GABBR1: variants seen among roughly 807,000 people sequenced by gnomAD.
GABBR1 encodes the protein gamma-aminobutyric acid type B receptor subunit 1.
Under a neutral mutation model 117.7 loss-of-function variants are expected in GABBR1, and 35 were observed. That is an observed-to-expected ratio of 0.30 (90% CI 0.23 to 0.39). The LOEUF (loss-of-function observed/expected upper bound fraction) is 0.39, where lower values mean the gene tolerates loss of function less well. Ranked by LOEUF, GABBR1 falls within the 10% of genes least tolerant of loss-of-function variation. GABBR1 has a pLI of 1.00. For synonymous variants in GABBR1, 442 were observed against 486.6 expected (o/e 0.91, Z 1.21); for missense variants, 709 against 1,241.8 (o/e 0.57, Z 6.45).
rs1420451024 is a variant in GABBR1, at chr6:29,632,489, G to A, written c.1-104C>T. 4 of 1,071,274 alleles carry A rather than the reference G, an allele frequency of 3.7e-6. No homozygotes were observed. Among genetic ancestry groups the A allele is most frequent in the Non-Finnish European group, 3.8e-6 (3 of 797,090 alleles). 66.4% of individuals were successfully genotyped at this position (1,071,274 alleles called of 1,614,324 possible). A position where few individuals can be genotyped will look rare whatever the true frequency, so the allele number is the denominator to read the frequency against. ...CGGTTGCCTCGCAGGCTCCGACCGG[G>A]CTCAGCCTGGGGACCAAGAGAGCGC... On this transcript the variant is annotated intron_variant, in intron 1 of 22. Transcript: ENST00000377034. The surrounding 1 kb of genome is among the most constrained non-coding windows in gnomAD (Gnocchi z 5.8).
At position 29,605,302 on chromosome 6, in the gene GABBR1, A is replaced by T; in HGVS notation, c.2439+267T>A. ...GAGTCCAGCCCATTAACCACAGACA[A>T]GCAATTTAACGTCTCTGTGTTTCTG... On this transcript the variant is annotated intron_variant, in intron 20 of 22. Transcript: ENST00000377034. The surrounding 1 kb of genome is among the most constrained non-coding windows in gnomAD (Gnocchi z 4.2). 2 of 565,372 alleles carry T rather than the reference A, an allele frequency of 3.5e-6. No individual in the cohort carries two copies. The highest frequency in any genetic ancestry group is 6.2e-6 in the Non-Finnish European group (2 of 323,932). The allele number at this position is 565,372 out of a possible 1,614,324, so 35.0% of individuals were successfully genotyped here.
rs1327074091 is a variant in GABBR1, at chr6:29,607,701, G to A, written c.1993-483C>T. On this transcript the variant is annotated intron_variant, in intron 16 of 22. Coordinates refer to ENST00000377034, the MANE Select transcript of GABBR1 (RefSeq NM_001470.4). The surrounding 1 kb of genome is among the most constrained non-coding windows in gnomAD (Gnocchi z 5.0). ...ACACGATGCTCCCTATGCCCCTGAA[G>A]TAGCCTTCCTCTATTTCTCTAGCTG... Among the ~76,000 whole-genome samples, 1 of 152,156 alleles carries A rather than the reference G, an allele frequency of 6.6e-6. No individual in the cohort carries two copies. The highest frequency in any genetic ancestry group is 2.4e-5 in the African/African-American group (1 of 41,428).
intron 11 of GABBR1, among the ~76,000 whole-genome samples, chr6:29,615,992 C>T (rs1034274296): frequency 6.6e-6 from 1 of 151,184 alleles, no homozygotes; most frequent in Non-Finnish European, 1.5e-5. Flanking sequence ...ACCTGAGGTC[C>T]GGAGTTCGAG....
In GABBR1 at chr6:29,632,657, C is replaced by T. The variant is rs1583030853; in HGVS notation, c.-1+193G>A. The T allele has an allele frequency of 6.9e-7, 1 of 1,455,526 alleles. No homozygotes were observed. The allele number at this position is 1,455,526 out of a possible 1,614,324, so 90.2% of individuals were successfully genotyped here. ...TCACCACCTCCTCTCCCCCGGCCCC[C>T]GCGGCTCGCAGAAGCCTGGCTTACC... On this transcript the variant is annotated intron_variant, in intron 1 of 22. Transcript: ENST00000377034. The surrounding 1 kb of genome is among the most constrained non-coding windows in gnomAD (Gnocchi z 5.8).
intron 6 of GABBR1, among the ~76,000 whole-genome samples, chr6:29,625,574 T>C (rs998331648): frequency 1.3e-5 from 2 of 152,160 alleles, no homozygotes; most frequent in African/African-American, 4.8e-5. Context: ...CTCTTTGCTC[T>C]TGCAAGGATC....
rs1761881800 is a variant in GABBR1 at position 29,605,758 on chromosome 6, C to T, written c.2312-62G>A. Reference sequence around the variant, plus strand: ...ACCACAATGCTCCTCACTCAATCCCCATCCCCTCTCTGCCCTTCACCTACT... The same window carrying T: ...ACCACAATGCTCCTCACTCAATCCCTATCCCCTCTCTGCCCTTCACCTACT... On this transcript the variant is annotated intron_variant, in intron 19 of 22. Transcript: ENST00000377034. The surrounding 1 kb of genome is among the most constrained non-coding windows in gnomAD (Gnocchi z 4.2). 3 of 1,582,320 alleles carry T rather than the reference C, an allele frequency of 1.9e-6. No homozygotes were observed. In the South Asian group the frequency reaches 3.4e-5, roughly 18 times the overall value.
chr6:29,605,414 TA>T lies in GABBR1; in HGVS notation c.2439+154del. On this transcript the variant is annotated intron_variant, in intron 20 of 22. Transcript: ENST00000377034. The surrounding 1 kb of genome is among the most constrained non-coding windows in gnomAD (Gnocchi z 4.2). ...GATACAATGTCTGTAGTGAGCTTTGTAAACTGTAAAGTGCTTTATAGACCTG... is the reference window on the plus strand; with the variant it reads ...GATACAATGTCTGTAGTGAGCTTTGTAACTGTAAAGTGCTTTATAGACCTG... The T allele has an allele frequency of 1.2e-6, 1 of 851,246 alleles. No individual in the cohort carries two copies. Among genetic ancestry groups the T allele is most frequent in the Non-Finnish European group, 1.8e-6 (1 of 543,322 alleles). The allele number at this position is 851,246 out of a possible 1,614,324, so 52.7% of individuals were successfully genotyped here. A position where few individuals can be genotyped will look rare whatever the true frequency, so the allele number is the denominator to read the frequency against.
Position 29,613,334 on chromosome 6 carries a change from C to T in GABBR1, c.1475G>A (p.Gly492Asp). ...NKTSGGGGRS[G>D]VRLEDFNYNN... The stretch of plus-strand genomic sequence containing the variant: ...GTAGTTGAAGTCCTCCAGGCGCACA[C>T]CAGAACGGCCGCCTCCTCCAGATGT... The change falls in exon 12 of 23, where the codon GGT becomes GAT. Residue 492 changes from glycine to aspartate, a missense_variant. Around this residue, in one of 9 missense-constraint regions of GABBR1, gnomAD observed 38 missense variants for 47.7 expected, o/e 0.80. Coordinates refer to ENST00000377034, the MANE Select transcript of GABBR1 (RefSeq NM_001470.4). The surrounding 1 kb of genome is among the most constrained non-coding windows in gnomAD (Gnocchi z 4.1). The T allele has an allele frequency of 6.2e-7, 1 of 1,613,082 alleles. No individual in the cohort carries two copies. Among genetic ancestry groups the T allele is most frequent in the Non-Finnish European group, 8.5e-7 (1 of 1,180,014 alleles).
rs1195342162 is a variant in GABBR1 at position 29,604,347 on chromosome 6, A to G, written c.2712+147T>C. 4.3e-6 allele frequency: 4 copies of G among 940,394 alleles called. No individual in the cohort carries two copies. Among genetic ancestry groups the G allele is most frequent in the Non-Finnish European group, 6.8e-6 (4 of 591,492 alleles). The allele number at this position is 940,394 out of a possible 1,614,324, so 58.3% of individuals were successfully genotyped here. A position where few individuals can be genotyped will look rare whatever the true frequency, so the allele number is the denominator to read the frequency against. On this transcript the variant is annotated intron_variant, in intron 22 of 22. Transcript: ENST00000377034. The surrounding 1 kb of genome is among the most constrained non-coding windows in gnomAD (Gnocchi z 5.3). The stretch of plus-strand genomic sequence containing the variant: ...TCCCCTCCCCTATGCTGCTCCATTC[A>G]CTCCTTACAGGTTGTCTCCTAGGAC...
rs139085697 is a variant in GABBR1, at chr6:29,624,647, G to T, written c.658-623C>A. Among the ~76,000 whole-genome samples the T allele has an allele frequency of 6.0e-3, 915 of 152,216 alleles. 13 individuals carry two copies. Among genetic ancestry groups the T allele is most frequent in the African/African-American group, 0.019 (794 of 41,514 alleles). Reference sequence around the variant, plus strand: ...CCATTAGAAAAAAAGACACTGGGGGGTGGAAGTAGGGAAGAATGTAGGATG... The same window carrying T: ...CCATTAGAAAAAAAGACACTGGGGGTTGGAAGTAGGGAAGAATGTAGGATG... On this transcript the variant is annotated intron_variant, in intron 6 of 22. Transcript: ENST00000377034.
At chr6:29,617,371 G>A (rs962408226) in intron 11 of GABBR1, among the ~76,000 whole-genome samples, 5 of 133,166 alleles carry the variant, frequency 3.8e-5, no homozygotes, top group African/African-American at 1.4e-4. Context: ...GTGCGATCTT[G>A]GCTCACTGCA....
rs1453495115 is a variant in GABBR1, at chr6:29,607,224, AAGG to A, written c.1993-9_1993-7del. 1.9e-6 allele frequency: 3 copies of A among 1,612,008 alleles called. No homozygotes were observed. In the South Asian group the frequency reaches 3.3e-5, roughly 18 times the overall value. ...CCCAGGAGCCAGAGGCGGGCCTAGA[AAGG>A]AAGAGAGGGCACAGGCAGAACAGGG... is the stretch of plus-strand genomic sequence containing the variant. On this transcript the variant is annotated splice_polypyrimidine_tract_variant and splice_region_variant and intron_variant, in intron 16 of 22. Transcript: ENST00000377034. The surrounding 1 kb of genome is among the most constrained non-coding windows in gnomAD (Gnocchi z 5.0).
chr6:29,607,263 G>A lies in GABBR1; in HGVS notation c.1993-45C>T, dbSNP rs1027310272. On this transcript the variant is annotated intron_variant, in intron 16 of 22. Coordinates refer to ENST00000377034, the MANE Select transcript of GABBR1 (RefSeq NM_001470.4). The surrounding 1 kb of genome is among the most constrained non-coding windows in gnomAD (Gnocchi z 5.0). Reference sequence around the variant, plus strand: ...ACAGGCAGAACAGGGTAGAGTAGTAGCCGGGACTGCAGTAAGGATGGGCAG... The same window carrying A: ...ACAGGCAGAACAGGGTAGAGTAGTAACCGGGACTGCAGTAAGGATGGGCAG... 6.1e-6 allele frequency: 9 copies of A among 1,478,414 alleles called. No individual in the cohort carries two copies. The African/African-American group carries it at 1.1e-4, about 18-fold the overall frequency. The allele number at this position is 1,478,414 out of a possible 1,614,324, so 91.6% of individuals were successfully genotyped here.
At position 29,631,686 on chromosome 6, in the gene GABBR1, G is replaced by A; in HGVS notation, c.86-87C>T. The A allele has an allele frequency of 2.5e-6, 3 of 1,217,502 alleles. No homozygotes were observed. The highest frequency in any genetic ancestry group is 3.6e-6 in the Non-Finnish European group (3 of 830,966). 75.4% of individuals were successfully genotyped at this position (1,217,502 alleles called of 1,614,324 possible). A position where few individuals can be genotyped will look rare whatever the true frequency, so the allele number is the denominator to read the frequency against. On this transcript the variant is annotated intron_variant, in intron 2 of 22. Transcript: ENST00000377034. This position sits in a 1 kb window ranked among gnomAD's most constrained non-coding sequence, Gnocchi z 5.9. The stretch of plus-strand genomic sequence containing the variant: ...CCCCAGTGGGAGGAAGGGGAGAGTA[G>A]GGCGTGGTCTGTGGGCAGGCTGGGG...
chr6:29,603,699 A>G lies in GABBR1; in HGVS notation c.2730T>C (p.Ser910=). The part of the protein sequence containing the change: ...KIIAEKEERV[S]ELRHQLQSRQ... ...GAGACTGGAGTTGATGGCGCAGTTC[A>G]GAGACACGCTCCTCTTTCTGGAGGA... is the stretch of plus-strand genomic sequence containing the variant. The change falls in exon 23 of 23, where the codon TCT becomes TCC. Residue 910 remains serine (S), a synonymous_variant. Coordinates refer to ENST00000377034, the MANE Select transcript of GABBR1 (RefSeq NM_001470.4). 1.3e-6 allele frequency: 2 copies of G among 1,497,066 alleles called. No individual in the cohort carries two copies. Among genetic ancestry groups the G allele is most frequent in the South Asian group, 1.4e-5 (1 of 70,816 alleles). The allele number at this position is 1,497,066 out of a possible 1,614,324, so 92.7% of individuals were successfully genotyped here.
chr6:29,625,703 G>A (rs1031620573), intron 6 of GABBR1, among the ~76,000 whole-genome samples: 21 of 152,148 alleles, frequency 1.4e-4, no homozygotes, highest in Admixed American at 8.5e-4. Flanking sequence ...CAGGTCCCAC[G>A]TCTGCTCCCC....
At position 29,616,133 on chromosome 6, in the gene GABBR1, G is replaced by A. The variant is rs543386648; in HGVS notation, c.1324-2648C>T. On this transcript the variant is annotated intron_variant, in intron 11 of 22. Coordinates refer to ENST00000377034, the MANE Select transcript of GABBR1 (RefSeq NM_001470.4). ...GGAGAATGGCTTGAACCTGGGAGGC[G>A]GAGGTTGCTGTGAGCCAAGATCGCG... is the stretch of plus-strand genomic sequence containing the variant. 5.2e-4 allele frequency among the ~76,000 whole-genome samples: 79 copies of A among 152,072 alleles called. No homozygotes were observed. In the Middle Eastern group the frequency reaches 0.01, roughly 20 times the overall value.
rs368215619 is a variant in GABBR1 at position 29,605,313 on chromosome 6, G to A, written c.2439+256C>T. The A allele has an allele frequency of 4.1e-5, 23 of 564,714 alleles. 1 individual carries two copies. The highest frequency in any genetic ancestry group is 1.7e-4 in the Admixed American group (5 of 29,056). 35.0% of individuals were successfully genotyped at this position (564,714 alleles called of 1,614,324 possible). A position where few individuals can be genotyped will look rare whatever the true frequency, so the allele number is the denominator to read the frequency against. On this transcript the variant is annotated intron_variant, in intron 20 of 22. Coordinates refer to ENST00000377034, the MANE Select transcript of GABBR1 (RefSeq NM_001470.4). The surrounding 1 kb of genome is among the most constrained non-coding windows in gnomAD (Gnocchi z 4.2). ...ATTAACCACAGACAAGCAATTTAAC[G>A]TCTCTGTGTTTCTGTTTCCTCACCT...
rs576396751 is a variant in GABBR1, at chr6:29,615,983, C to T, written c.1324-2498G>A. ...TTGGGAGGCTGAGGCGGGTGGATCA[C>T]CTGAGGTCCGGAGTTCGAGACCAGC... On this transcript the variant is annotated intron_variant, in intron 11 of 22. Coordinates refer to ENST00000377034, the MANE Select transcript of GABBR1 (RefSeq NM_001470.4). Among the ~76,000 whole-genome samples the T allele has an allele frequency of 7.9e-5, 12 of 151,640 alleles. No individual in the cohort carries two copies. The East Asian group carries it at 2.4e-3, about 30-fold the overall frequency.
Sources: gnomAD v4.1 joint callset for allele counts (sites outside exome capture counted in the v4.1 genomes callset) on GRCh38, gnomAD v4.1.1 for gene constraint, gnomAD v4.1.1 regional missense constraint, Gnocchi (gnomAD v3.1) non-coding constraint, MANE v1.5 for transcripts, NCBI Gene and HGNC (gene_info 2026-07-23, HGNC 2026-07-21) for gene names.